The following ASAH1 variants were observed in gnomAD, a reference collection of about 807,000 sequenced individuals.
ASAH1 encodes the protein acid ceramidase.
A neutral mutation model predicts 59.5 loss-of-function variants in ASAH1; 70 were observed. The ratio of observed to expected loss-of-function variants is 1.18; its 90% CI spans 0.97 to 1.43. ASAH1 has a LOEUF of 1.43. ASAH1 is among the 40% of genes most tolerant of loss of function. The pLI is 0.00. For missense variants in ASAH1, 660 were observed against 482.5 expected (o/e 1.37, Z -3.45); for synonymous variants, 213 against 166.5 (o/e 1.28, Z -2.15).
chr8:18,059,605 G>A lies in ASAH1; in HGVS notation c.884C>T (p.Thr295Ile), dbSNP rs1588974686. 6.2e-7 allele frequency: 1 copy of A among 1,614,162 alleles called. No individual in the cohort carries two copies. The highest frequency in any genetic ancestry group is 1.3e-5 in the African/African-American group (1 of 75,048). Residue 295 changes from threonine (T) to isoleucine (I), a missense_variant, in exon 11 of 14, where the codon ACA becomes ATA. Physicochemically the swap from Thr to Ile is moderately conservative, Grantham distance 89. Coordinates refer to ENST00000637790, the MANE Select transcript of ASAH1 (RefSeq NM_177924.5). Reference protein sequence around the residue: ...GNQSGEGCVITRDRKESLDVY... With the variant: ...GNQSGEGCVIIRDRKESLDVY... The stretch of plus-strand genomic sequence containing the variant: ...ATCCAATGATTCCTTTCTGTCTCGT[G>A]TAATCACACAACCTTCCCCAGACTG...
intron 1 of ASAH1, among the ~76,000 whole-genome samples, chr8:18,080,793 C>A (rs1047792015): frequency 6.6e-6 from 1 of 152,088 alleles, no homozygotes; most frequent in African/African-American, 2.4e-5. Flanking sequence ...CCTGACCTCA[C>A]GTGATCTGCC....
intron 7 of ASAH1, chr8:18,062,969 C>CA: frequency 2.0e-6 from 1 of 499,174 alleles, no homozygotes; most frequent in Non-Finnish European, 3.6e-6. Context: ...CTCGCAGGTT[C>CA]AAAAAAGTCT....
chr8:18,075,944 A>G (rs1002214037), intron 1 of ASAH1: 4 of 353,290 alleles, frequency 1.1e-5, no homozygotes, highest in South Asian at 9.5e-5. Context: ...TATTATCTGC[A>G]CTTACCAGCC....
intron 10 of ASAH1, 73 bp downstream of exon 10, chr8:18,061,304 G>T: frequency 1.5e-6 from 2 of 1,303,076 alleles, no homozygotes; most frequent in South Asian, 2.8e-5. Context: ...GCTGGAGCTT[G>T]ACAAATATTT....
At chr8:18,063,267 G>C in intron 6 of ASAH1, 37 bp from the exon 7 acceptor site, 4 of 1,534,908 alleles carry the variant, frequency 2.6e-6, no homozygotes, top group East Asian at 2.2e-5. Context: ...TGTAATAGCA[G>C]TTAAGATTCT....
upstream of ASAH1, chr8:18,084,789 T>A: frequency 1.9e-6 from 3 of 1,613,598 alleles, no homozygotes; most frequent in Non-Finnish European, 2.5e-6. Flanking sequence ...CCCAGCCCGA[T>A]GCAGCAGTTC....
At chr8:18,067,198 A>T (rs781200400) in intron 5 of ASAH1, 22 bp downstream of exon 5, 96 of 1,483,548 alleles carry the variant, frequency 6.5e-5, no homozygotes, top group South Asian at 1.2e-4. Context: ...TTTTTTTTTT[A>T]AAGCTTCTAA....
intron 6 of ASAH1, chr8:18,063,998 A>G (rs1262606815): frequency 1.3e-5 from 3 of 224,136 alleles, no homozygotes; most frequent in African/African-American, 6.9e-5. Context: ...TGTGCTTTGT[A>G]CTCTGGGAAC....
chr8:18,080,234 G>C (rs1235434357), intron 1 of ASAH1, among the ~76,000 whole-genome samples: 1 of 152,190 alleles, frequency 6.6e-6, no homozygotes, highest in Non-Finnish European at 1.5e-5. Flanking sequence ...CTGTTAACTA[G>C]TATGAGAAGC....
At chr8:18,064,093 C>T (rs1799827104) in intron 6 of ASAH1, 1 of 386,574 alleles carries the variant, frequency 2.6e-6, no homozygotes, top group Admixed American at 4.2e-5. Context: ...TGTTCTGGGC[C>T]TCAAGAAAAG....
At chr8:18,071,475 G>T in intron 2 of ASAH1, 85 bp from the exon 3 acceptor site, 1 of 944,076 alleles carries the variant, frequency 1.1e-6, no homozygotes, top group Non-Finnish European at 1.6e-6. Flanking sequence ...ATATATGAGA[G>T]GCAAAGTCTT....
chr8:18,083,499 T>C lies in ASAH1; in HGVS notation c.78+482A>G, dbSNP rs1008935287. 3 of 192,818 alleles carry C rather than the reference T, an allele frequency of 1.6e-5. No homozygotes were observed. The Admixed American group carries it at 1.7e-4, about 11-fold the overall frequency. 11.9% of individuals were successfully genotyped at this position (192,818 alleles called of 1,614,324 possible). On this transcript the variant is annotated intron_variant, in intron 1 of 13. Transcript: ENST00000637790. ...GGGCCCTTTGGGGCCTGCTCTGGGC[T>C]GCTCGCACCGCCCAAGCTTGGGACC...
Position 18,067,263 on chromosome 8 carries a change from T to C in ASAH1, c.339A>G (p.Glu113=). The C allele has an allele frequency of 2.5e-6, 4 of 1,604,404 alleles. No individual in the cohort carries two copies. The highest frequency in any genetic ancestry group is 1.7e-6 in the Non-Finnish European group (2 of 1,174,822). The stretch of plus-strand genomic sequence containing the variant: ...CAGCGGCAATACCCTTCATTTCCTC[T>C]TCAAAAGGGCCAGGAAAGTTGCCAA... ...GLLGNFPGPF[E]EEMKGIAAVT... Residue 113 remains glutamate (E), a synonymous_variant, in exon 5 of 14, where the codon GAA becomes GAG. Coordinates refer to ENST00000637790, the MANE Select transcript of ASAH1 (RefSeq NM_177924.5).
chr8:18,083,879 G>T, intron 1 of ASAH1, 102 bp downstream of exon 1: 1 of 1,530,434 alleles, frequency 6.5e-7, no homozygotes, highest in Non-Finnish European at 8.7e-7. Flanking sequence ...AAGCTGCCCA[G>T]CACGAGGTGT....
At chr8:18,068,872 T>A (rs1327504267) in intron 4 of ASAH1, among the ~76,000 whole-genome samples, 2 of 152,150 alleles carry the variant, frequency 1.3e-5, no homozygotes, top group South Asian at 4.1e-4. Context: ...ACACCTACGA[T>A]CCCAACACTT....
intron 2 of ASAH1, among the ~76,000 whole-genome samples, chr8:18,074,876 G>T (rs531124990): frequency 1.3e-5 from 2 of 152,216 alleles, no homozygotes; most frequent in Non-Finnish European, 2.9e-5. Flanking sequence ...AATATAATTT[G>T]GTGGTTTATA....
intron 5 of ASAH1, 143 bp from the exon 6 acceptor site, chr8:18,064,674 T>C: frequency 3.2e-6 from 2 of 629,348 alleles, no homozygotes; most frequent in South Asian, 3.9e-5. Flanking sequence ...CGGCTGGAGG[T>C]GGTTTTCTTC....
chr8:18,061,922 G>T (rs778260918), intron 8 of ASAH1, 182 bp from the exon 9 acceptor site: 6 of 686,774 alleles, frequency 8.7e-6, no homozygotes, highest in African/African-American at 1.8e-5. Context: ...TAGTATGTGA[G>T]ATAAGTAGGT....
intron 6 of ASAH1, 111 bp downstream of exon 6, chr8:18,064,346 A>G (rs1799836947): frequency 1.2e-6 from 1 of 845,904 alleles, no homozygotes. Context: ...TGTATGCAAC[A>G]TACACAGAAT....
Sources: allele counts gnomAD v4.1 joint callset (sites outside exome capture counted in the v4.1 genomes callset), GRCh38; gene constraint gnomAD v4.1.1; transcripts MANE v1.5; gene names NCBI Gene and HGNC (gene_info 2026-07-23, HGNC 2026-07-21).